PATL1: variants seen among roughly 807,000 people sequenced by gnomAD.
PATL1 encodes the protein protein PAT1 homolog 1.
PATL1 carries 32 observed loss-of-function variants against 100.6 expected under a neutral mutation model. The ratio of observed to expected loss-of-function variants is 0.32; its 90% CI spans 0.24 to 0.43. The LOEUF (loss-of-function observed/expected upper bound fraction) is 0.43. Among genes scored for constraint, PATL1 ranks in the 20% least tolerant of loss-of-function variants. The pLI is 1.00. For synonymous variants in PATL1, 332 were observed against 330.0 expected, an observed-to-expected ratio of 1.01 and a Z score of -0.07; for missense variants, 747 against 949.9, an observed-to-expected ratio of 0.79 and a Z score of 2.81.
chr11:59,645,643 A>C (rs574318107), intron 15 of PATL1, among the ~76,000 whole-genome samples: 2 of 152,166 alleles, frequency 1.3e-5, no homozygotes, highest in South Asian at 2.1e-4. Flanking sequence ...ATGGCCTAGT[A>C]GTCTCCAAAG....
intron 1 of PATL1, among the ~76,000 whole-genome samples, chr11:59,667,838 T>G (rs1426515046): frequency 6.6e-6 from 1 of 152,232 alleles, no homozygotes; most frequent in Non-Finnish European, 1.5e-5. Flanking sequence ...TCTCCAAGTT[T>G]TCCTTTTGGT....
chr11:59,661,596 C>T (rs1861625116), intron 2 of PATL1, among the ~76,000 whole-genome samples: 1 of 152,110 alleles, frequency 6.6e-6, no homozygotes. Context: ...ACAGGGATAA[C>T]AGGTTATAAC....
intron 7 of PATL1, 53 bp from the exon 8 acceptor site, chr11:59,655,793 T>A: frequency 6.7e-7 from 1 of 1,481,990 alleles, no homozygotes; most frequent in Non-Finnish European, 9.2e-7. Context: ...TCCCCTTGCT[T>A]TTGTCTACAG....
intron 2 of PATL1, among the ~76,000 whole-genome samples, chr11:59,662,999 C>G (rs950120571): frequency 2.6e-5 from 4 of 152,096 alleles, no homozygotes; most frequent in Non-Finnish European, 4.4e-5. Flanking sequence ...TTAGATTTTT[C>G]TTACTCTTGT....
intron 2 of PATL1, among the ~76,000 whole-genome samples, chr11:59,661,674 C>T (rs1861625843): frequency 6.6e-6 from 1 of 152,144 alleles, no homozygotes; most frequent in Admixed American, 6.5e-5. Flanking sequence ...AATTCAAACA[C>T]CATAAACACA....
intron 8 of PATL1, among the ~76,000 whole-genome samples, chr11:59,654,489 TAAA>T (rs528454364): frequency 1.2e-5 from 1 of 82,424 alleles, no homozygotes; most frequent in Non-Finnish European, 2.7e-5. Flanking sequence ...TCAAAAACAT[TAAA>T]AAAAAAAAAA....
chr11:59,666,746 A>G, intron 2 of PATL1, 107 bp downstream of exon 2: 1 of 1,180,620 alleles, frequency 8.5e-7, no homozygotes, highest in South Asian at 1.7e-5. Context: ...ATATCTTGCC[A>G]AGTTAGTGAA....
chr11:59,645,611 C>T (rs1052137118), intron 15 of PATL1, among the ~76,000 whole-genome samples: 6 of 151,732 alleles, frequency 4.0e-5, no homozygotes, highest in Non-Finnish European at 8.8e-5. Context: ...CTTTATTTAC[C>T]AATTTTCTGA....
Position 59,666,837 on chromosome 11 carries a change from G to A in PATL1, c.127+16C>T, listed in dbSNP as rs756232065. The A allele has an allele frequency of 1.9e-4, 296 of 1,545,506 alleles. No individual in the cohort carries two copies. The Middle Eastern group carries it at 3.3e-3, about 17-fold the overall frequency. On this transcript the variant is annotated intron_variant, in intron 2 of 18. Coordinates refer to ENST00000300146, the MANE Select transcript of PATL1 (RefSeq NM_152716.3). Reference sequence around the variant, plus strand: ...AGGAGGCTAAGATGATATTATAAGCGAAAGATGTCACTTACCAACTGCACC... The same window carrying A: ...AGGAGGCTAAGATGATATTATAAGCAAAAGATGTCACTTACCAACTGCACC...
Position 59,668,861 on chromosome 11 carries a change from T to C in PATL1, c.15+20A>G. On this transcript the variant is annotated intron_variant, in intron 1 of 18. Coordinates refer to ENST00000300146, the MANE Select transcript of PATL1 (RefSeq NM_152716.3). ...GGCGCGGGAGGGAGGGAGGGGTCAC[T>C]TCCGGTCGCAACAGCTCACCTCGTA... is the stretch of plus-strand genomic sequence containing the variant. 9.7e-6 allele frequency: 13 copies of C among 1,335,508 alleles called. No homozygotes were observed. Among genetic ancestry groups the C allele is most frequent in the Non-Finnish European group, 1.3e-5 (13 of 989,826 alleles). 82.7% of individuals were successfully genotyped at this position (1,335,508 alleles called of 1,614,324 possible). A position where few individuals can be genotyped will look rare whatever the true frequency, so the allele number is the denominator to read the frequency against.
At chr11:59,659,519 A>C (rs1377597325) in intron 2 of PATL1, 50 bp from the exon 3 acceptor site, 3 of 1,496,032 alleles carry the variant, frequency 2.0e-6, no homozygotes, top group Non-Finnish European at 2.7e-6. Flanking sequence ...TGGTACAAAA[A>C]AGTTTTACAC....
intron 1 of PATL1, 87 bp from the exon 2 acceptor site, chr11:59,667,051 A>G: frequency 6.8e-7 from 1 of 1,462,626 alleles, no homozygotes; most frequent in East Asian, 2.6e-5. Context: ...TTACCTTCTC[A>G]ATGAACATAA....
At chr11:59,655,460 T>C (rs1385943721) in intron 8 of PATL1, 63 bp downstream of exon 8, 3 of 1,343,516 alleles carry the variant, frequency 2.2e-6, no homozygotes, top group Non-Finnish European at 3.0e-6. Context: ...CTTATAAAAC[T>C]ACACATCCAC....
chr11:59,647,079 C>T (rs1002909415), intron 15 of PATL1, among the ~76,000 whole-genome samples: 2 of 151,762 alleles, frequency 1.3e-5, no homozygotes, highest in Non-Finnish European at 2.9e-5. Context: ...AAAAATTAGC[C>T]GAGCATGGTG....
intron 11 of PATL1, among the ~76,000 whole-genome samples, chr11:59,652,163 T>A (rs1416198428): frequency 6.9e-6 from 1 of 144,164 alleles, no homozygotes; most frequent in Non-Finnish European, 1.5e-5. Context: ...TTACAATAAT[T>A]ATCACAATAA....
At chr11:59,646,092 G>A (rs548773259) in intron 15 of PATL1, among the ~76,000 whole-genome samples, 9 of 152,266 alleles carry the variant, frequency 5.9e-5, no homozygotes, top group Admixed American at 2.0e-4. Flanking sequence ...GCACATAGAA[G>A]TATTCAGCAA....
chr11:59,654,561 T>A (rs937830247), intron 8 of PATL1, among the ~76,000 whole-genome samples: 4 of 151,580 alleles, frequency 2.6e-5, no homozygotes, highest in African/African-American at 7.3e-5. Context: ...TATTTTTACA[T>A]ATCTTCTACA....
At position 59,642,861 on chromosome 11, in the gene PATL1, G is replaced by A. The variant is rs751793894; in HGVS notation, c.2049+19C>T. ...TAAGACATTTCACAAAGTTCAAGGA[G>A]TTAAAAGGGCAAGATCACCTTGTTC... is the stretch of plus-strand genomic sequence containing the variant. On this transcript the variant is annotated intron_variant, in intron 16 of 18. Coordinates refer to ENST00000300146, the MANE Select transcript of PATL1 (RefSeq NM_152716.3). 1 of 1,604,720 alleles carries A rather than the reference G, an allele frequency of 6.2e-7. No individual in the cohort carries two copies. The highest frequency in any genetic ancestry group is 2.2e-5 in the East Asian group (1 of 44,536).
intron 14 of PATL1, among the ~76,000 whole-genome samples, chr11:59,649,154 G>C (rs1435888577): frequency 1.3e-5 from 2 of 152,140 alleles, no homozygotes; most frequent in Non-Finnish European, 2.9e-5. Context: ...CATAAATCAG[G>C]TGCAATCTGT....
Sources: gnomAD v4.1 joint callset for allele counts (sites outside exome capture counted in the v4.1 genomes callset) on GRCh38, gnomAD v4.1.1 for gene constraint, MANE v1.5 for transcripts, NCBI Gene and HGNC (gene_info 2026-07-23, HGNC 2026-07-21) for gene names.